The following CORO2B variants were observed in gnomAD, a reference collection of about 807,000 sequenced individuals.
The protein encoded by CORO2B is coronin-2B.
A neutral mutation model predicts 58.8 loss-of-function variants in CORO2B; 26 were observed. That is an observed-to-expected ratio of 0.44 (90% confidence interval 0.32 to 0.61). The LOEUF (loss-of-function observed/expected upper bound fraction) is 0.61. Ranked by LOEUF, CORO2B falls within the 20% of genes least tolerant of loss-of-function variation. The probability of loss-of-function intolerance (pLI) is 0.04; values close to 1 mark genes in which losing one functional copy is unlikely to be tolerated. For missense variants in CORO2B, 460 were observed against 645.1 expected, an observed-to-expected ratio of 0.71 and a Z score of 3.11; for synonymous variants, 242 against 253.8, an observed-to-expected ratio of 0.95 and a Z score of 0.44.
chr15:68,570,573 G>A, the CORO2B span, among the ~76,000 whole-genome samples: 1 of 152,326 alleles, frequency 6.6e-6, no homozygotes, highest in South Asian at 2.1e-4. Flanking sequence ...AAAGTGAGCT[G>A]ATCAGAGGAA....
upstream of CORO2B, among the ~76,000 whole-genome samples, chr15:68,578,797 C>G (rs989715718): frequency 6.6e-6 from 1 of 152,000 alleles, no homozygotes; most frequent in Non-Finnish European, 1.5e-5. This position sits in a 1 kb window ranked among gnomAD's most constrained non-coding sequence, Gnocchi z 4.2. Context: ...GGGTTAAGGC[C>G]GCGGACCCGG....
chr15:68,701,101 G>A (rs1407821681), intron 3 of CORO2B, among the ~76,000 whole-genome samples: 1 of 152,122 alleles, frequency 6.6e-6, no homozygotes, highest in African/African-American at 2.4e-5. Context: ...CTTGGAGCTG[G>A]AAGGGAGTGA....
chr15:68,638,107 G>A (rs1901091065), intron 1 of CORO2B, among the ~76,000 whole-genome samples: 2 of 152,120 alleles, frequency 1.3e-5, no homozygotes, highest in African/African-American at 4.8e-5. Context: ...GGGAGACCAG[G>A]ATGGCCCTGG....
the CORO2B span, among the ~76,000 whole-genome samples, chr15:68,558,207 G>T: frequency 6.6e-6 from 1 of 152,136 alleles, no homozygotes; most frequent in Non-Finnish European, 1.5e-5. Flanking sequence ...ACTACACAGC[G>T]GGGCTGGTGA....
At chr15:68,682,435 C>T (rs1902821537) in intron 2 of CORO2B, among the ~76,000 whole-genome samples, 1 of 151,218 alleles carries the variant, frequency 6.6e-6, no homozygotes, top group East Asian at 1.9e-4. Flanking sequence ...TCCTCTCTGA[C>T]TACAGAGAGG....
In CORO2B at chr15:68,714,626, A is replaced by G; in HGVS notation, c.833A>G (p.Tyr278Cys). The G allele has an allele frequency of 6.2e-7, 1 of 1,614,048 alleles. No homozygotes were observed. The highest frequency in any genetic ancestry group is 8.5e-7 in the Non-Finnish European group (1 of 1,179,994). ...CTCTCTGGCCTCCTGTTCCCCTTCT[A>G]TGATGCTGACACCCACATGCTCTAC... Reference protein sequence around the residue: ...DGLSGLLFPFYDADTHMLYLA... With the variant: ...DGLSGLLFPFCDADTHMLYLA... The change falls in exon 7 of 12, where the codon TAT (tyrosine) becomes TGT (cysteine). Residue 278 changes from tyrosine to cysteine, a missense_variant. Tyr to Cys is a radical substitution (Grantham distance 194, BLOSUM62 -2). Transcript: ENST00000261861.
At chr15:68,530,218 G>A in the CORO2B span, among the ~76,000 whole-genome samples, 6,264 of 152,204 alleles carry the variant, frequency 0.041, 197 homozygotes, top group Non-Finnish European at 0.062. Context: ...CCAGCTACGC[G>A]GGAGGCTGAG....
At chr15:68,538,167 C>T in the CORO2B span, among the ~76,000 whole-genome samples, 144,314 of 152,198 alleles carry the variant, frequency 0.95, 68,514 homozygotes, top group East Asian at 1. Context: ...AAGCAAGAAA[C>T]CCTACAATTT....
At chr15:68,583,777 G>C (rs1446330601) in intron 1 of CORO2B, among the ~76,000 whole-genome samples, 1 of 152,166 alleles carries the variant, frequency 6.6e-6, no homozygotes, top group Non-Finnish European at 1.5e-5. Flanking sequence ...TTCCTGTCTG[G>C]GTCTCCCTGG....
chr15:68,721,826 T>C (rs984539046), intron 11 of CORO2B, among the ~76,000 whole-genome samples: 1 of 152,192 alleles, frequency 6.6e-6, no homozygotes, highest in Non-Finnish European at 1.5e-5. Context: ...TAGCTCACTA[T>C]AACCTCAATC....
At chr15:68,592,914 G>C (rs1260049295) in intron 1 of CORO2B, among the ~76,000 whole-genome samples, 3 of 152,174 alleles carry the variant, frequency 2.0e-5, no homozygotes, top group Non-Finnish European at 2.9e-5. Flanking sequence ...TCCATTTTCT[G>C]CTTCTGTAAC....
At chr15:68,543,666 T>G in the CORO2B span, among the ~76,000 whole-genome samples, 2 of 152,182 alleles carry the variant, frequency 1.3e-5, no homozygotes, top group Admixed American at 6.5e-5. Context: ...GAAGGCTTCC[T>G]TTGTAATGAC....
chr15:68,525,167 C>T, the CORO2B span, among the ~76,000 whole-genome samples: 3 of 152,190 alleles, frequency 2.0e-5, no homozygotes, highest in Admixed American at 6.5e-5. Flanking sequence ...ATAAAGCAAA[C>T]TGACATCATA....
chr15:68,644,211 A>G (rs1216865414), intron 1 of CORO2B, among the ~76,000 whole-genome samples: 2 of 152,234 alleles, frequency 1.3e-5, no homozygotes, highest in Non-Finnish European at 2.9e-5. Flanking sequence ...CAAGACAGCA[A>G]CGCCTCATGT....
chr15:68,625,591 CTTG>C (rs1566988567), intron 1 of CORO2B, among the ~76,000 whole-genome samples: 1 of 151,962 alleles, frequency 6.6e-6, no homozygotes, highest in East Asian at 1.9e-4. Context: ...AGGTTTTTTT[CTTG>C]TTTGTTGTTT....
rs1260353987 is a variant in CORO2B at position 68,579,149 on chromosome 15, G to C, written c.-114G>C. ...CCCCAGGCTCGGCCGAGCCGCCGGC[G>C]GGGCGCGGGGAGCGAGCCGGGAGCT... is the stretch of plus-strand genomic sequence containing the variant. On this transcript the variant is annotated 5_prime_UTR_variant, in exon 1 of 12. Coordinates refer to ENST00000261861, the MANE Select transcript of CORO2B (RefSeq NM_006091.5). 1 of 981,100 alleles carries C rather than the reference G, an allele frequency of 1.0e-6. No homozygotes were observed. Among genetic ancestry groups the C allele is most frequent in the Non-Finnish European group, 1.2e-6 (1 of 828,194 alleles). The allele number at this position is 981,100 out of a possible 1,614,324, so 60.8% of individuals were successfully genotyped here.
chr15:68,550,279 C>T, the CORO2B span, among the ~76,000 whole-genome samples: 1 of 152,150 alleles, frequency 6.6e-6, no homozygotes, highest in Non-Finnish European at 1.5e-5. Context: ...TGTAATGCCC[C>T]AGCTAGTTGA....
At chr15:68,552,655 C>T in the CORO2B span, among the ~76,000 whole-genome samples, 3 of 152,060 alleles carry the variant, frequency 2.0e-5, no homozygotes, top group Non-Finnish European at 4.4e-5. Flanking sequence ...CACTGGAGGC[C>T]CCTATACCGT....
chr15:68,561,082 C>T, the CORO2B span, among the ~76,000 whole-genome samples: 3 of 152,174 alleles, frequency 2.0e-5, no homozygotes, highest in Non-Finnish European at 4.4e-5. Flanking sequence ...TCCCTCCACC[C>T]CGCGTCCCCC....
Sources: gnomAD v4.1 joint callset for allele counts (sites outside exome capture counted in the v4.1 genomes callset) on GRCh38, gnomAD v4.1.1 for gene constraint, Gnocchi (gnomAD v3.1) non-coding constraint, MANE v1.5 for transcripts, NCBI Gene and HGNC (gene_info 2026-07-23, HGNC 2026-07-21) for gene names.